The following LRRTM4 variants were observed in gnomAD, a reference collection of about 807,000 sequenced individuals.
The protein encoded by LRRTM4 is leucine-rich repeat transmembrane neuronal protein 4.
A neutral mutation model predicts 47.6 loss-of-function variants in LRRTM4; 25 were observed. That is an observed-to-expected ratio of 0.53 (90% CI 0.38 to 0.73). The LOEUF (loss-of-function observed/expected upper bound fraction) is 0.73, where lower values mean the gene tolerates loss of function less well. Among genes scored for constraint, LRRTM4 ranks in the 30% least tolerant of loss-of-function variants. The probability of loss-of-function intolerance (pLI) is 0.00; values close to 1 mark genes in which losing one functional copy is unlikely to be tolerated. For missense variants in LRRTM4, 638 were observed against 713.4 expected (o/e 0.89, Z 1.20); for synonymous variants, 311 against 269.5 (o/e 1.15, Z -1.51).
chr2:77,049,155 T>TACACACAC (rs1157832273), intron 3 of LRRTM4, among the ~76,000 whole-genome samples: 3 of 125,808 alleles, frequency 2.4e-5, no homozygotes, highest in African/African-American at 1.2e-4. Flanking sequence ...TATATATATA[T>TACACACAC]ATACACACAC....
In LRRTM4 at chr2:76,806,306, G is replaced by C. The variant is rs147361027; in HGVS notation, c.1552-57390C>G. Among the ~76,000 whole-genome samples the C allele has an allele frequency of 4.0e-3, 612 of 152,238 alleles. 3 individuals are homozygous for C. Among genetic ancestry groups the C allele is most frequent in the African/African-American group, 0.013 (552 of 41,540 alleles). On this transcript the variant is annotated intron_variant, in intron 3 of 3. Transcript: ENST00000409884. ...CATATATGAAAAATAAAACCGGCCC[G>C]TGCGGTGGCTCACACCTGTAATCTC...
chr2:77,299,307 G>A (rs370814107), intron 3 of LRRTM4, among the ~76,000 whole-genome samples: 37 of 145,132 alleles, frequency 2.5e-4, no homozygotes, highest in Non-Finnish European at 3.5e-4. Context: ...ATATATACAC[G>A]TATATACATA....
intron 3 of LRRTM4, among the ~76,000 whole-genome samples, chr2:77,199,774 T>G (rs1017276131): frequency 2.6e-5 from 4 of 152,216 alleles, no homozygotes; most frequent in African/African-American, 9.6e-5. Context: ...AAAAGAAGGC[T>G]TCTTCATTAT....
intron 3 of LRRTM4, among the ~76,000 whole-genome samples, chr2:77,163,142 T>A (rs1259902130): frequency 1.3e-5 from 2 of 152,104 alleles, no homozygotes; most frequent in Non-Finnish European, 2.9e-5. Flanking sequence ...AATAACCTGA[T>A]GGAGCTGAAA....
intron 3 of LRRTM4, among the ~76,000 whole-genome samples, chr2:77,259,254 T>C (rs1675851842): frequency 6.6e-6 from 1 of 152,030 alleles, no homozygotes; most frequent in Admixed American, 6.6e-5. Context: ...ATTGAGCAAA[T>C]TTTTTAATCT....
chr2:77,174,786 T>A (rs1237650882), intron 3 of LRRTM4, among the ~76,000 whole-genome samples: 1 of 151,996 alleles, frequency 6.6e-6, no homozygotes, highest in Non-Finnish European at 1.5e-5. Flanking sequence ...CCTAATGCTA[T>A]CCCTCCCCCC....
chr2:77,428,103 C>T (rs866750282), intron 3 of LRRTM4, among the ~76,000 whole-genome samples: 1 of 152,176 alleles, frequency 6.6e-6, no homozygotes, highest in African/African-American at 2.4e-5. Context: ...GACACTTCTC[C>T]TTCCTGCCAC....
rs761901254 is a variant in LRRTM4, at chr2:77,008,550, G to A, written c.1552-259634C>T. Among the ~76,000 whole-genome samples the A allele has an allele frequency of 5.3e-5, 8 of 152,046 alleles. 1 individual carries two copies. Among genetic ancestry groups the A allele is most frequent in the Non-Finnish European group, 2.9e-5 (2 of 67,978 alleles). On this transcript the variant is annotated intron_variant, in intron 3 of 3. Transcript: ENST00000409884. ...TGTCACCACAGAACAAATAACGTAG[G>A]GGCTGACAGGATTAAATTCACTAAA...
intron 3 of LRRTM4, among the ~76,000 whole-genome samples, chr2:77,141,669 G>A (rs763125613): frequency 2.0e-5 from 3 of 152,156 alleles, no homozygotes; most frequent in Admixed American, 2.0e-4. Flanking sequence ...GACATTCAAT[G>A]TAGGTAGAGG....
intron 3 of LRRTM4, among the ~76,000 whole-genome samples, chr2:76,967,155 T>G (rs550899573): frequency 6.9e-6 from 1 of 145,816 alleles, no homozygotes; most frequent in Admixed American, 6.8e-5. Flanking sequence ...TGCATTCCCT[T>G]GCTTTTTTTT....
At chr2:76,953,354 C>G (rs1291153197) in intron 3 of LRRTM4, among the ~76,000 whole-genome samples, 3 of 151,796 alleles carry the variant, frequency 2.0e-5, no homozygotes, top group African/African-American at 7.3e-5. Context: ...AGTGGCAGTA[C>G]TCCATGCAAC....
At chr2:77,273,874 C>T (rs1310351724) in intron 3 of LRRTM4, among the ~76,000 whole-genome samples, 3 of 152,064 alleles carry the variant, frequency 2.0e-5, no homozygotes, top group East Asian at 3.9e-4. Context: ...TACCATATTC[C>T]TTAACCAGCA....
chr2:77,091,067 A>C (rs945243452), intron 3 of LRRTM4, among the ~76,000 whole-genome samples: 1 of 152,074 alleles, frequency 6.6e-6, no homozygotes, highest in African/African-American at 2.4e-5. Context: ...CTCTGGTGCC[A>C]GCTGAGACAA....
chr2:76,769,350 TGAA>T (rs1352244938), intron 3 of LRRTM4, among the ~76,000 whole-genome samples: 5 of 152,100 alleles, frequency 3.3e-5, no homozygotes, highest in Non-Finnish European at 7.4e-5. Context: ...ATAAATAAAA[TGAA>T]GAAATTAATT....
chr2:77,179,787 T>C (rs1673300743), intron 3 of LRRTM4, among the ~76,000 whole-genome samples: 1 of 152,178 alleles, frequency 6.6e-6, no homozygotes, highest in Non-Finnish European at 1.5e-5. Context: ...CAGGTCTTAA[T>C]ATAGTCAAAA....
At chr2:76,941,987 T>A (rs1675160107) in intron 3 of LRRTM4, among the ~76,000 whole-genome samples, 1 of 152,194 alleles carries the variant, frequency 6.6e-6, no homozygotes, top group African/African-American at 2.4e-5. Context: ...GCTTCCTGAC[T>A]TTTTAATGAT....
intron 3 of LRRTM4, among the ~76,000 whole-genome samples, chr2:77,084,685 C>G (rs954869506): frequency 6.6e-6 from 1 of 152,184 alleles, no homozygotes; most frequent in African/African-American, 2.4e-5. Context: ...TTTAACCTCT[C>G]TAAGCATCAG....
chr2:77,165,876 A>G (rs1672869830), intron 3 of LRRTM4, among the ~76,000 whole-genome samples: 1 of 152,188 alleles, frequency 6.6e-6, no homozygotes, highest in Non-Finnish European at 1.5e-5. Context: ...CAAAAACTGG[A>G]AGCATTCCCT....
intron 3 of LRRTM4, among the ~76,000 whole-genome samples, chr2:76,761,972 T>C (rs555047123): frequency 5.9e-5 from 9 of 152,296 alleles, no homozygotes; most frequent in Admixed American, 1.3e-4. Context: ...CCATTTGTTG[T>C]AGTAAATCAT....
Sources: allele counts gnomAD v4.1 joint callset (sites outside exome capture counted in the v4.1 genomes callset), GRCh38; gene constraint gnomAD v4.1.1; transcripts MANE v1.5; gene names NCBI Gene and HGNC (gene_info 2026-07-23, HGNC 2026-07-21).